GABRG3: variants seen among roughly 807,000 people sequenced by gnomAD.
GABRG3 encodes gamma-aminobutyric acid type A receptor subunit gamma3, also known as gamma-aminobutyric acid receptor subunit gamma-3.
In GABRG3, 25 loss-of-function variants were observed where a neutral mutation model predicts 48.8. The observed-to-expected ratio is 0.51, with a 90% CI of 0.37 to 0.72. GABRG3 has a LOEUF of 0.72. Among genes scored for constraint, GABRG3 ranks in the 30% least tolerant of loss-of-function variants. The pLI is 0.00. For missense variants in GABRG3, 394 were observed against 577.9 expected (o/e 0.68, Z 3.26); for synonymous variants, 227 against 217.6 (o/e 1.04, Z -0.38).
intron 5 of GABRG3, among the ~76,000 whole-genome samples, chr15:27,354,707 A>C (rs893401582): frequency 6.6e-6 from 1 of 152,242 alleles, no homozygotes; most frequent in Non-Finnish European, 1.5e-5. Flanking sequence ...AAGCAGGTTT[A>C]CTGTAAGGTT....
intron 3 of GABRG3, among the ~76,000 whole-genome samples, chr15:27,174,324 A>G (rs1217854678): frequency 1.3e-5 from 2 of 152,210 alleles, no homozygotes; most frequent in East Asian, 1.9e-4. Flanking sequence ...TTCTCATGGT[A>G]TCATTTAACT....
Position 27,388,099 on chromosome 15 carries a change from G to A in GABRG3, c.574+59211G>A, listed in dbSNP as rs1257153346. On this transcript the variant is annotated intron_variant, in intron 5 of 9. Coordinates refer to ENST00000615808, the MANE Select transcript of GABRG3 (RefSeq NM_033223.5). ...GAAGGAAGGAAAGGAGGGAGGAAAG[G>A]GAGGGAGGGAAAAGAAGGAAGGAAG... 1.5e-3 allele frequency among the ~76,000 whole-genome samples: 69 copies of A among 44,888 alleles called. 3 individuals are homozygous for A. Among genetic ancestry groups the A allele is most frequent in the African/African-American group, 7.2e-3 (67 of 9,350 alleles). 29.4% of individuals were successfully genotyped at this position (44,888 alleles called of 152,430 possible).
At chr15:27,347,656 CT>C (rs976921216) in intron 5 of GABRG3, among the ~76,000 whole-genome samples, 1 of 152,178 alleles carries the variant, frequency 6.6e-6, no homozygotes, top group African/African-American at 2.4e-5. Flanking sequence ...TGCATTTTCA[CT>C]TTGAGAACCT....
intron 3 of GABRG3, among the ~76,000 whole-genome samples, chr15:27,054,825 C>T (rs1268146132): frequency 6.6e-6 from 1 of 152,082 alleles, no homozygotes; most frequent in African/African-American, 2.4e-5. Flanking sequence ...AGCCCTGAGA[C>T]CAGCGGGGAA....
chr15:27,234,622 G>T (rs934104205), intron 3 of GABRG3, among the ~76,000 whole-genome samples: 2 of 152,106 alleles, frequency 1.3e-5, no homozygotes, highest in Non-Finnish European at 2.9e-5. Context: ...ACCTGCTCCT[G>T]GGTACTGGTG....
intron 5 of GABRG3, among the ~76,000 whole-genome samples, chr15:27,353,426 C>CTTTCTATTTATT (rs367835979): frequency 4.1e-5 from 6 of 146,016 alleles, no homozygotes; most frequent in Admixed American, 6.9e-5. Flanking sequence ...TTCTTTCTTT[C>CTTTCTATTTATT]TATTTATTTA....
chr15:27,342,505 C>A (rs746609714), intron 5 of GABRG3, among the ~76,000 whole-genome samples: 2 of 152,166 alleles, frequency 1.3e-5, no homozygotes, highest in Non-Finnish European at 2.9e-5. Context: ...AACATGGACT[C>A]ACATGCCAGA....
intron 3 of GABRG3, among the ~76,000 whole-genome samples, chr15:27,314,354 G>A (rs560208266): frequency 1.7e-4 from 26 of 152,218 alleles, no homozygotes; most frequent in African/African-American, 5.5e-4. Flanking sequence ...AATCAAGACC[G>A]CAAGGAGTTA....
At chr15:27,218,671 C>T (rs975413498) in intron 3 of GABRG3, among the ~76,000 whole-genome samples, 6 of 152,168 alleles carry the variant, frequency 3.9e-5, no homozygotes, top group African/African-American at 1.4e-4. Context: ...GTGATTCTCA[C>T]ATCTCATTCC....
chr15:27,033,190 C>G (rs777823588), intron 3 of GABRG3, among the ~76,000 whole-genome samples: 1 of 151,712 alleles, frequency 6.6e-6, no homozygotes, highest in Admixed American at 6.6e-5. Context: ...TCTTTATTCT[C>G]TCTGTCCAGG....
chr15:27,328,871 C>A lies in GABRG3; in HGVS notation c.557C>A (p.Pro186Gln). Residue 186 changes from proline (P) to glutamine (Q), a missense_variant, in exon 5 of 10, where the codon CCG becomes CAG. Transcript: ENST00000615808. ...TTCCCCATGGACGAACACTCCTGCCCGCTGATTTTCTCCAGCTGTGAGTAC... is the reference window on the plus strand; with the variant it reads ...TTCCCCATGGACGAACACTCCTGCCAGCTGATTTTCTCCAGCTGTGAGTAC... Reference protein sequence around the residue: ...HNFPMDEHSCPLIFSSYGYPK... With the variant: ...HNFPMDEHSCQLIFSSYGYPK... The A allele has an allele frequency of 6.2e-7, 1 of 1,613,966 alleles. No homozygotes were observed. The highest frequency in any genetic ancestry group is 8.5e-7 in the Non-Finnish European group (1 of 1,179,822).
chr15:27,218,485 G>A (rs1595593096), intron 3 of GABRG3, among the ~76,000 whole-genome samples: 1 of 152,234 alleles, frequency 6.6e-6, no homozygotes, highest in African/African-American at 2.4e-5. Flanking sequence ...GACATATTTT[G>A]GGGTGATGTC....
Position 27,054,102 on chromosome 15 carries a change from A to G in GABRG3, c.270+27281A>G, listed in dbSNP as rs144233558. Among the ~76,000 whole-genome samples, 14 of 152,222 alleles carry G rather than the reference A, an allele frequency of 9.2e-5. No homozygotes were observed. In the East Asian group the frequency reaches 2.5e-3, roughly 27 times the overall value. On this transcript the variant is annotated intron_variant, in intron 3 of 9. Transcript: ENST00000615808. ...GTGAAACCCCATCTCTACTAAAAAA[A>G]ATAGCACGCACCTGTAATCCCAGCT...
chr15:27,283,196 G>A (rs888638218), intron 3 of GABRG3, among the ~76,000 whole-genome samples: 8 of 152,332 alleles, frequency 5.3e-5, no homozygotes, highest in Admixed American at 2.0e-4. Context: ...GTCTCTGCCA[G>A]CACCATGAAG....
intron 3 of GABRG3, among the ~76,000 whole-genome samples, chr15:27,263,913 G>C (rs1459399908): frequency 7.1e-6 from 1 of 141,556 alleles, no homozygotes; most frequent in Non-Finnish European, 1.5e-5. Context: ...GCGAAAGAGC[G>C]AGACTCTGTC....
At chr15:27,286,549 G>A (rs1891618353) in intron 3 of GABRG3, among the ~76,000 whole-genome samples, 1 of 152,092 alleles carries the variant, frequency 6.6e-6, no homozygotes, top group Non-Finnish European at 1.5e-5. Context: ...GGAGAGTAGT[G>A]TTAGAATTAA....
At chr15:27,440,250 C>T (rs1358124431) in intron 5 of GABRG3, among the ~76,000 whole-genome samples, 6 of 152,172 alleles carry the variant, frequency 3.9e-5, no homozygotes, top group African/African-American at 7.2e-5. Flanking sequence ...TACATGGGAA[C>T]AAACCAGCTG....
chr15:27,069,345 G>A (rs1426664532), intron 3 of GABRG3, among the ~76,000 whole-genome samples: 1 of 152,182 alleles, frequency 6.6e-6, no homozygotes, highest in Non-Finnish European at 1.5e-5. Flanking sequence ...CATCCCTCTA[G>A]GCACCTGGGC....
At chr15:27,159,763 A>G (rs1461785513) in intron 3 of GABRG3, among the ~76,000 whole-genome samples, 1 of 152,168 alleles carries the variant, frequency 6.6e-6, no homozygotes, top group Non-Finnish European at 1.5e-5. Flanking sequence ...TGTTACAGTC[A>G]TGTAATTACT....
Sources: gnomAD v4.1 joint callset for allele counts (sites outside exome capture counted in the v4.1 genomes callset) on GRCh38, gnomAD v4.1.1 for gene constraint, MANE v1.5 for transcripts, NCBI Gene and HGNC (gene_info 2026-07-23, HGNC 2026-07-21) for gene names.